The following PNPT1 variants were observed in gnomAD, a reference collection of about 807,000 sequenced individuals.
The protein encoded by PNPT1 is polyribonucleotide nucleotidyltransferase 1, mitochondrial.
Under a neutral mutation model 119.5 loss-of-function variants are expected in PNPT1, and 53 were observed. The ratio of observed to expected loss-of-function variants is 0.44; its 90% CI spans 0.36 to 0.56. PNPT1 has a LOEUF of 0.56. PNPT1 is among the 20% of genes least tolerant of loss of function. The pLI is 0.00. For missense variants in PNPT1, 948 were observed against 938.5 expected (o/e 1.01, Z -0.13); for synonymous variants, 357 against 322.1 (o/e 1.11, Z -1.16).
intron 13 of PNPT1, among the ~76,000 whole-genome samples, chr2:55,666,073 A>G (rs1009820506): frequency 2.0e-5 from 3 of 152,204 alleles, no homozygotes; most frequent in Non-Finnish European, 4.4e-5. Flanking sequence ...GAGTTACTCA[A>G]TTTTGTATAC....
chr2:55,669,373 T>G (rs900634514), intron 11 of PNPT1, among the ~76,000 whole-genome samples: 15 of 152,236 alleles, frequency 9.9e-5, no homozygotes, highest in Non-Finnish European at 2.1e-4. Context: ...AAGTTTTAAG[T>G]ACTATTCTCT....
intron 18 of PNPT1, 60 bp downstream of exon 18, chr2:55,654,840 C>T (rs1696332968): frequency 7.4e-7 from 1 of 1,346,940 alleles, no homozygotes; most frequent in Admixed American, 1.9e-5. Context: ...CCTCCCAAGG[C>T]TCATGCCTGG....
chr2:55,693,800 G>C lies in PNPT1; in HGVS notation c.24C>G (p.Cys8Trp). 1.2e-6 allele frequency: 2 copies of C among 1,613,942 alleles called. No homozygotes were observed. The highest frequency in any genetic ancestry group is 1.7e-6 in the Non-Finnish European group (2 of 1,180,046). MAACRYC[C>W]SCLRLRPLSD... ...TCAGGGGCCGGAGCCGGAGGCACGA[G>C]CAGCAGTACCTGCAGGCCGCCATGA... Residue 8 changes from cysteine to tryptophan, a missense_variant, in exon 1 of 28, where the codon TGC (cysteine) becomes TGG (tryptophan). By Grantham distance (215) the Cys-to-Trp change is radical. Coordinates refer to ENST00000447944, the MANE Select transcript of PNPT1 (RefSeq NM_033109.5).
chr2:55,676,819 G>C (rs1697086603), intron 8 of PNPT1, among the ~76,000 whole-genome samples: 1 of 150,610 alleles, frequency 6.6e-6, no homozygotes, highest in African/African-American at 2.5e-5. Flanking sequence ...CCAAGATCAT[G>C]CCACTGTACT....
Position 55,636,219 on chromosome 2 carries a change from T to C in PNPT1, c.*18A>G, listed in dbSNP as rs1695666591. 6.5e-7 allele frequency: 1 copy of C among 1,549,434 alleles called. No homozygotes were observed. Among genetic ancestry groups the C allele is most frequent in the Non-Finnish European group, 8.8e-7 (1 of 1,137,616 alleles). ...CCTAGACAAAATAGAATTCTAGAAT[T>C]CTCTTTAAAAAAAAAAATCACTGAG... On this transcript the variant is annotated 3_prime_UTR_variant, in exon 28 of 28. Transcript: ENST00000447944.
At chr2:55,637,467 A>C in intron 27 of PNPT1, 85 bp downstream of exon 27, 1 of 1,239,692 alleles carries the variant, frequency 8.1e-7, no homozygotes, top group East Asian at 2.3e-5. Context: ...ATAGATGGTG[A>C]CTCTTCTTTC....
At position 55,682,145 on chromosome 2, in the gene PNPT1, AAAAC is replaced by A. The variant is rs913203675; in HGVS notation, c.454-1231_454-1228del. Reference sequence around the variant, plus strand: ...TCGACAGAGCGAGATTCCATCTCAAAAAACAAACAAACAAACCAATAAAAAATTT... The same window carrying A: ...TCGACAGAGCGAGATTCCATCTCAAAAAACAAACAAACCAATAAAAAATTT... On this transcript the variant is annotated intron_variant, in intron 5 of 27. Transcript: ENST00000447944. Among the ~76,000 whole-genome samples, 19 of 152,016 alleles carry A rather than the reference AAAAC, an allele frequency of 1.2e-4. No homozygotes were observed. The South Asian group carries it at 2.7e-3, about 22-fold the overall frequency.
chr2:55,672,872 C>G (rs912494070), intron 9 of PNPT1, 21 bp downstream of exon 9: 5 of 1,556,904 alleles, frequency 3.2e-6, no homozygotes, highest in African/African-American at 2.8e-5. Flanking sequence ...TTCATATTTT[C>G]ATTTGCACAG....
intron 25 of PNPT1, among the ~76,000 whole-genome samples, 173 bp downstream of exon 25, chr2:55,642,985 G>A (rs1280982773): frequency 2.0e-5 from 3 of 152,132 alleles, no homozygotes; most frequent in Non-Finnish European, 2.9e-5. Flanking sequence ...ACGTGTGGTG[G>A]TGTGTGCTTG....
chr2:55,680,438 A>C (rs1675648989), intron 7 of PNPT1, among the ~76,000 whole-genome samples: 1 of 152,074 alleles, frequency 6.6e-6, no homozygotes, highest in Non-Finnish European at 1.5e-5. Flanking sequence ...AAAAAAAAAA[A>C]AAAAAGAAGT....
chr2:55,693,495 G>C (rs991000933), intron 1 of PNPT1, among the ~76,000 whole-genome samples, 168 bp downstream of exon 1: 1 of 152,214 alleles, frequency 6.6e-6, no homozygotes, highest in Non-Finnish European at 1.5e-5. Context: ...AGGAGGGTCC[G>C]AGGAGACACA....
intron 1 of PNPT1, among the ~76,000 whole-genome samples, chr2:55,688,857 G>A (rs551460840): frequency 5.9e-4 from 90 of 152,274 alleles, no homozygotes; most frequent in South Asian, 8.3e-4. Flanking sequence ...AACAGAAGGG[G>A]AAAGAACAAT....
intron 1 of PNPT1, 106 bp downstream of exon 1, chr2:55,693,557 T>G: frequency 6.7e-7 from 1 of 1,487,606 alleles, no homozygotes; most frequent in Non-Finnish European, 9.2e-7. Flanking sequence ...TAAGGAGAGA[T>G]TAAATAGAGC....
intron 13 of PNPT1, among the ~76,000 whole-genome samples, chr2:55,662,993 A>G (rs59402642): frequency 1.3e-5 from 2 of 151,460 alleles, no homozygotes; most frequent in Non-Finnish European, 2.9e-5. Flanking sequence ...CGATTCTCCT[A>G]CCTCAGCCTC....
intron 11 of PNPT1, among the ~76,000 whole-genome samples, chr2:55,668,734 G>A (rs1209144334): frequency 2.0e-5 from 3 of 152,120 alleles, no homozygotes; most frequent in African/African-American, 7.2e-5. Flanking sequence ...CTAGTAGCTG[G>A]GATTATAGGC....
chr2:55,650,304 G>C (rs1476430267), intron 18 of PNPT1, among the ~76,000 whole-genome samples: 1 of 152,186 alleles, frequency 6.6e-6, no homozygotes, highest in African/African-American at 2.4e-5. Flanking sequence ...CGCCACGCCT[G>C]ACTGGTTTTC....
rs772776999 is a variant in PNPT1, at chr2:55,684,912, G to A, written c.403+31C>T. ...GAGATGCTAACATAGGCATACCAGA[G>A]AAGATGAACGCCTCTATGTTAATAT... On this transcript the variant is annotated intron_variant, in intron 4 of 27. Coordinates refer to ENST00000447944, the MANE Select transcript of PNPT1 (RefSeq NM_033109.5). 24 of 1,491,132 alleles carry A rather than the reference G, an allele frequency of 1.6e-5. No individual in the cohort carries two copies. The South Asian group carries it at 3.0e-4, about 19-fold the overall frequency. 92.4% of individuals were successfully genotyped at this position (1,491,132 alleles called of 1,614,324 possible).
chr2:55,664,962 T>C (rs1696689768), intron 13 of PNPT1, among the ~76,000 whole-genome samples: 1 of 152,120 alleles, frequency 6.6e-6, no homozygotes, highest in African/African-American at 2.4e-5. Context: ...CTTGATATAA[T>C]ACTAAAATTC....
intron 11 of PNPT1, 71 bp from the exon 12 acceptor site, chr2:55,668,029 A>ATTAT: frequency 1.5e-6 from 2 of 1,326,020 alleles, no homozygotes; most frequent in Non-Finnish European, 2.1e-6. Flanking sequence ...TAAAGTTCAT[A>ATTAT]GCATAATATC....
Sources: allele counts gnomAD v4.1 joint callset (sites outside exome capture counted in the v4.1 genomes callset), GRCh38; gene constraint gnomAD v4.1.1; transcripts MANE v1.5; gene names NCBI Gene and HGNC (gene_info 2026-07-23, HGNC 2026-07-21).